Variants in RASGRP3 observed in about 807,000 individuals in gnomAD.
RASGRP3 encodes RAS guanyl releasing protein 3, also known as ras guanyl-releasing protein 3.
Under a neutral mutation model 82.7 loss-of-function variants are expected in RASGRP3, and 54 were observed. The observed-to-expected ratio is 0.65, with a 90% confidence interval of 0.52 to 0.82. RASGRP3 has a LOEUF of 0.82. Ranked by LOEUF, RASGRP3 falls within the 40% of genes least tolerant of loss-of-function variation. RASGRP3 has a pLI of 0.00. For synonymous variants in RASGRP3, 309 were observed against 300.5 expected, an observed-to-expected ratio of 1.03 and a Z score of -0.29; for missense variants, 861 against 828.9, an observed-to-expected ratio of 1.04 and a Z score of -0.48.
Position 33,513,679 on chromosome 2 carries a change from G to T in RASGRP3, c.-127-1331G>T, listed in dbSNP as rs1671151659. 2.0e-5 allele frequency among the ~76,000 whole-genome samples: 3 copies of T among 152,206 alleles called. No individual in the cohort carries two copies. In the South Asian group the frequency reaches 6.2e-4, roughly 32 times the overall value. Reference sequence around the variant, plus strand: ...TATGGGGACCTGGCATCAAGGACCTGCTCTGTAAAATAAAGTGATAATGTC... The same window carrying T: ...TATGGGGACCTGGCATCAAGGACCTTCTCTGTAAAATAAAGTGATAATGTC... On this transcript the variant is annotated intron_variant, in intron 2 of 17. Transcript: ENST00000403687.
chr2:33,470,047 C>T (rs1026619560), intron 2 of RASGRP3, among the ~76,000 whole-genome samples: 20 of 152,234 alleles, frequency 1.3e-4, no homozygotes, highest in African/African-American at 3.8e-4. Flanking sequence ...CTATTTAGTA[C>T]CTAATATCTC....
chr2:33,487,160 T>C (rs1401537680), intron 1 of RASGRP3, among the ~76,000 whole-genome samples: 2 of 152,178 alleles, frequency 1.3e-5, no homozygotes, highest in East Asian at 3.8e-4. Context: ...TTCTAAAAGA[T>C]AAGTTCTCTT....
intron 1 of RASGRP3, among the ~76,000 whole-genome samples, chr2:33,440,882 C>G (rs970813447): frequency 6.6e-6 from 1 of 151,646 alleles, no homozygotes; most frequent in African/African-American, 2.4e-5. Context: ...CATTAGATCT[C>G]CAAACTTGTT....
intron 1 of RASGRP3, among the ~76,000 whole-genome samples, chr2:33,480,168 G>A (rs953672037): frequency 9.3e-5 from 14 of 150,084 alleles, no homozygotes; most frequent in African/African-American, 3.2e-4. Context: ...TCAGCCTCCT[G>A]AGTAGCTGGG....
Position 33,496,813 on chromosome 2 carries a change from C to T in RASGRP3, c.-260-14897C>T, listed in dbSNP as rs867958112. On this transcript the variant is annotated intron_variant, in intron 1 of 17. Coordinates refer to ENST00000403687, the MANE Select transcript of RASGRP3 (RefSeq NM_001139488.2). ...CAGAGGTTGCAGTGAGCCAAGATTGCACCACTTCACTCCAGCCTGGGTGAC... is the reference window on the plus strand; with the variant it reads ...CAGAGGTTGCAGTGAGCCAAGATTGTACCACTTCACTCCAGCCTGGGTGAC... 2.8e-4 allele frequency among the ~76,000 whole-genome samples: 43 copies of T among 152,166 alleles called. 1 individual carries two copies. The highest frequency in any genetic ancestry group is 8.9e-4 in the African/African-American group (37 of 41,434).
Position 33,550,544 on chromosome 2 carries a change from C to T in RASGRP3, c.1542+793C>T, listed in dbSNP as rs114666127. 1.1e-3 allele frequency among the ~76,000 whole-genome samples: 167 copies of T among 152,290 alleles called. 2 individuals carry two copies. Among genetic ancestry groups the T allele is most frequent in the African/African-American group, 3.8e-3 (157 of 41,560 alleles). The stretch of plus-strand genomic sequence containing the variant: ...TTTGATCCTGGCCTTAACAGAAACT[C>T]CTGGGCCCTGAATGTCTCCAGTTGA... On this transcript the variant is annotated intron_variant, in intron 14 of 17. Coordinates refer to ENST00000403687, the MANE Select transcript of RASGRP3 (RefSeq NM_001139488.2).
chr2:33,522,299 A>G (rs1451908740), intron 7 of RASGRP3, among the ~76,000 whole-genome samples, 197 bp downstream of exon 7: 1 of 152,170 alleles, frequency 6.6e-6, no homozygotes, highest in East Asian at 1.9e-4. Context: ...CTCAGGAGCT[A>G]TATTTCTGTC....
At chr2:33,533,319 T>C (rs1221053086) in intron 10 of RASGRP3, 1 of 152,188 alleles carries the variant, frequency 6.6e-6, no homozygotes, top group African/African-American at 2.4e-5. Flanking sequence ...CCAAATTAAG[T>C]CCCAATCCTC....
chr2:33,494,664 A>AT (rs943353292), intron 1 of RASGRP3, among the ~76,000 whole-genome samples: 8 of 152,222 alleles, frequency 5.3e-5, no homozygotes, highest in African/African-American at 1.9e-4. Context: ...ATAGGTACAT[A>AT]TTTTTTTCTC....
chr2:33,512,326 T>C (rs1574386092), intron 2 of RASGRP3, among the ~76,000 whole-genome samples: 1 of 152,358 alleles, frequency 6.6e-6, no homozygotes, highest in South Asian at 2.1e-4. Flanking sequence ...AATTTTGGTT[T>C]TGAATTGAGA....
rs371456335 is a variant in RASGRP3, at chr2:33,527,192, G to A, written c.863G>A (p.Arg288His). ...TCCAACGGCAATTACTGCAATTACC[G>A]CAAGGCCTTTGCCGACTGCGATGGC... ...VSSNGNYCNY[R>H]KAFADCDGFK... is the part of the protein sequence containing the mutation. Residue 288 changes from arginine to histidine, a missense_variant, in exon 10 of 18, where the codon CGC (arginine) becomes CAC (histidine). Physicochemically the swap from Arg to His is conservative, Grantham distance 29 (BLOSUM62 0). Transcript: ENST00000403687. 5 of 1,614,004 alleles carry A rather than the reference G, an allele frequency of 3.1e-6. No homozygotes were observed. Among genetic ancestry groups the A allele is most frequent in the East Asian group, 2.2e-5 (1 of 44,894 alleles).
chr2:33,482,573 C>G (rs1668032941), intron 1 of RASGRP3: 1 of 152,202 alleles, frequency 6.6e-6, no homozygotes, highest in East Asian at 1.9e-4. Context: ...TGCATTCTAA[C>G]TACCATGAAT....
intron 2 of RASGRP3, among the ~76,000 whole-genome samples, chr2:33,468,688 C>G (rs1666867261): frequency 6.6e-6 from 1 of 152,184 alleles, no homozygotes; most frequent in Non-Finnish European, 1.5e-5. Context: ...GTGTGAACCA[C>G]TGTACCCAGC....
Position 33,534,371 on chromosome 2 carries a change from C to T in RASGRP3, c.1132C>T (p.Leu378=). 6.3e-7 allele frequency: 1 copy of T among 1,580,236 alleles called. No individual in the cohort carries two copies. The highest frequency in any genetic ancestry group is 1.1e-5 in the South Asian group (1 of 89,328). The change falls in exon 11 of 18, where the codon CTG becomes TTG. Residue 378 remains leucine, a synonymous_variant. Transcript: ENST00000403687. ...TGAAGATGATATTTACAAACTGTCA[C>T]TGGTGCTGGAGCCTAGAAATTCTAA... ...HTEDDIYKLS[L]VLEPRNSKSQ...
chr2:33,514,959 G>A, intron 2 of RASGRP3, 51 bp from the exon 3 acceptor site: 2 of 602,826 alleles, frequency 3.3e-6, no homozygotes, highest in Middle Eastern at 3.7e-4. Flanking sequence ...ATGCTCTAGT[G>A]GGGTCTGAAC....
rs564490486 is a variant in RASGRP3, at chr2:33,559,468, C to A, written c.2064+438C>A. Among the ~76,000 whole-genome samples the A allele has an allele frequency of 5.9e-5, 9 of 152,246 alleles. No individual in the cohort carries two copies. In the South Asian group the frequency reaches 1.9e-3, roughly 32 times the overall value. On this transcript the variant is annotated intron_variant, in intron 17 of 17. Transcript: ENST00000403687. ...AACTTTTCATTCTGCTCAAAAGAAG[C>A]TTTTGACAGCATCATGGAAAAGGGG...
chr2:33,500,073 CG>C (rs1220626193), intron 1 of RASGRP3, among the ~76,000 whole-genome samples: 3 of 151,846 alleles, frequency 2.0e-5, no homozygotes, highest in African/African-American at 4.8e-5. Flanking sequence ...GATTGCCAAG[CG>C]TAAGTATTGG....
At chr2:33,560,163 T>C (rs1358685385) in intron 17 of RASGRP3, among the ~76,000 whole-genome samples, 2 of 152,204 alleles carry the variant, frequency 1.3e-5, no homozygotes, top group Non-Finnish European at 2.9e-5. Flanking sequence ...CAACCATCAC[T>C]ACAATCTAAT....
intron 1 of RASGRP3, among the ~76,000 whole-genome samples, chr2:33,446,302 A>G (rs959273271): frequency 2.0e-5 from 3 of 151,880 alleles, no homozygotes; most frequent in South Asian, 2.1e-4. Context: ...GACTACAGGC[A>G]CCCGCCACCA....
Sources: gnomAD v4.1 joint callset for allele counts (sites outside exome capture counted in the v4.1 genomes callset) on GRCh38, gnomAD v4.1.1 for gene constraint, MANE v1.5 for transcripts, NCBI Gene and HGNC (gene_info 2026-07-23, HGNC 2026-07-21) for gene names.